Variants in ALK observed in about 807,000 individuals in gnomAD.
The protein encoded by ALK is ALK tyrosine kinase receptor.
In ALK, 74 loss-of-function variants were observed where a neutral mutation model predicts 163.1. That is an observed-to-expected ratio of 0.45 (90% CI 0.38 to 0.55). The LOEUF (loss-of-function observed/expected upper bound fraction) is 0.55, where lower values mean the gene tolerates loss of function less well. Ranked by LOEUF, ALK falls within the 20% of genes least tolerant of loss-of-function variation. The probability of loss-of-function intolerance (pLI) is 0.00; values close to 1 mark genes in which losing one functional copy is unlikely to be tolerated. For synonymous variants in ALK, 960 were observed against 843.2 expected, an observed-to-expected ratio of 1.14 and a Z score of -2.40; for missense variants, 2,063 against 2,105.3, an observed-to-expected ratio of 0.98 and a Z score of 0.39.
intron 3 of ALK, among the ~76,000 whole-genome samples, chr2:29,623,675 G>A (rs559736265): frequency 6.6e-6 from 1 of 152,178 alleles, no homozygotes; most frequent in Admixed American, 6.5e-5. Flanking sequence ...TAGACACTGT[G>A]TTCTTAACTG....
intron 5 of ALK, among the ~76,000 whole-genome samples, chr2:29,364,373 G>A (rs1015642877): frequency 3.3e-5 from 5 of 152,144 alleles, no homozygotes; most frequent in Non-Finnish European, 5.9e-5. Flanking sequence ...GTGGAGCTGG[G>A]GAAGGACCAG....
At chr2:29,409,661 C>T (rs1032819915) in intron 4 of ALK, among the ~76,000 whole-genome samples, 9 of 152,276 alleles carry the variant, frequency 5.9e-5, no homozygotes, top group East Asian at 5.8e-4. Context: ...CAGTGGCTCC[C>T]GTCAAGCCTC....
At chr2:29,623,202 C>T (rs1676085493) in intron 3 of ALK, among the ~76,000 whole-genome samples, 1 of 152,170 alleles carries the variant, frequency 6.6e-6, no homozygotes, top group African/African-American at 2.4e-5. Flanking sequence ...CACTCCACTT[C>T]TGGGAATCTA....
chr2:29,667,798 C>A (rs192076842), intron 3 of ALK, among the ~76,000 whole-genome samples: 1 of 152,154 alleles, frequency 6.6e-6, no homozygotes, highest in African/African-American at 2.4e-5. Flanking sequence ...ATGCTGACCT[C>A]ATAGAATAAA....
chr2:29,249,778 T>C lies in ALK; in HGVS notation c.2204+1327A>G, dbSNP rs988261335. The stretch of plus-strand genomic sequence containing the variant: ...GCCCTGGGCCCCACGGAGGCTTGGC[T>C]CAGCAGGAAGGGGAGGTCTGGCTTG... On this transcript the variant is annotated intron_variant, in intron 12 of 28. Transcript: ENST00000389048. 2.0e-5 allele frequency among the ~76,000 whole-genome samples: 3 copies of C among 152,166 alleles called. No individual in the cohort carries two copies. The East Asian group carries it at 5.8e-4, about 29-fold the overall frequency.
chr2:29,700,421 G>T (rs991466442), intron 2 of ALK, among the ~76,000 whole-genome samples: 10 of 152,302 alleles, frequency 6.6e-5, no homozygotes, highest in Admixed American at 5.2e-4. Flanking sequence ...GTGCATGCCT[G>T]TAATCCCAGC....
At chr2:29,838,015 C>CA (rs1665605493) in intron 1 of ALK, among the ~76,000 whole-genome samples, 2 of 151,540 alleles carry the variant, frequency 1.3e-5, no homozygotes, top group Admixed American at 1.3e-4. Context: ...AAATGGTAAG[C>CA]AAAAAAATTT....
At chr2:29,904,251 TAAAC>T (rs1420332936) in intron 1 of ALK, among the ~76,000 whole-genome samples, 3 of 152,168 alleles carry the variant, frequency 2.0e-5, no homozygotes, top group African/African-American at 4.8e-5. Flanking sequence ...AATAAATAAA[TAAAC>T]AAAAGATTCG....
intron 2 of ALK, among the ~76,000 whole-genome samples, chr2:29,715,344 A>G (rs971701719): frequency 6.6e-6 from 1 of 152,224 alleles, no homozygotes; most frequent in East Asian, 1.9e-4. Context: ...TACTCTGCCA[A>G]GAAGGGAAAT....
intron 3 of ALK, among the ~76,000 whole-genome samples, chr2:29,599,338 A>C (rs1025412323): frequency 2.0e-5 from 3 of 152,252 alleles, no homozygotes; most frequent in African/African-American, 7.2e-5. Flanking sequence ...AATGTTTCAA[A>C]GTCAACGAGG....
In ALK at chr2:29,288,970, ATAAAT is replaced by A. The variant is rs199587637; in HGVS notation, c.1817+7913_1817+7917del. Among the ~76,000 whole-genome samples, 42 of 129,438 alleles carry A rather than the reference ATAAAT, an allele frequency of 3.2e-4. 1 individual carries two copies. The highest frequency in any genetic ancestry group is 4.1e-3 in the Middle Eastern group (1 of 242). The allele number at this position is 129,438 out of a possible 152,430, so 84.9% of individuals were successfully genotyped here. A position where few individuals can be genotyped will look rare whatever the true frequency, so the allele number is the denominator to read the frequency against. On this transcript the variant is annotated intron_variant, in intron 9 of 28. Coordinates refer to ENST00000389048, the MANE Select transcript of ALK (RefSeq NM_004304.5). ...CCTTCTCAAAAAAATAAATAAATAAATAAATAAATAAATAAATAAATAAATAAATA... is the reference window on the plus strand; with the variant it reads ...CCTTCTCAAAAAAATAAATAAATAAAAAATAAATAAATAAATAAATAAATA...
At chr2:29,207,342 G>T in intron 25 of ALK, 70 bp from the exon 26 acceptor site, 1 of 1,225,764 alleles carries the variant, frequency 8.2e-7, no homozygotes, top group Non-Finnish European at 1.2e-6. Flanking sequence ...TGCTGGGAAA[G>T]TTGAGAAAGT....
chr2:29,281,427 C>T (rs1260496658), intron 9 of ALK, among the ~76,000 whole-genome samples: 1 of 152,176 alleles, frequency 6.6e-6, no homozygotes, highest in South Asian at 2.1e-4. Context: ...TGCCTAAGAA[C>T]GTGGCAGGGG....
At chr2:29,274,506 A>C (rs548868824) in intron 11 of ALK, among the ~76,000 whole-genome samples, 1 of 152,342 alleles carries the variant, frequency 6.6e-6, no homozygotes, top group African/African-American at 2.4e-5. Flanking sequence ...CCGCTGGTCT[A>C]ATAGAAGAGT....
rs78263884 is a variant in ALK at position 29,453,908 on chromosome 2, T to C, written c.1155-70049A>G. Among the ~76,000 whole-genome samples, 483 of 152,202 alleles carry C rather than the reference T, an allele frequency of 3.2e-3. 4 individuals are homozygous for C. The highest frequency in any genetic ancestry group is 0.011 in the African/African-American group (463 of 41,520). On this transcript the variant is annotated intron_variant, in intron 4 of 28. Transcript: ENST00000389048. ...AGGGACACACAAAAGCATGGAGATC[T>C]CACATTCTAGATGTTTGATTGAGTT...
chr2:29,391,158 G>C (rs1669159461), intron 4 of ALK, among the ~76,000 whole-genome samples: 1 of 152,126 alleles, frequency 6.6e-6, no homozygotes, highest in African/African-American at 2.4e-5. Context: ...ATGTTATGTG[G>C]GTGACGGGGA....
intron 3 of ALK, 136 bp from the exon 4 acceptor site, chr2:29,532,252 C>T (rs1673141689): frequency 3.7e-6 from 3 of 817,490 alleles, no homozygotes; most frequent in Non-Finnish European, 6.1e-6. Flanking sequence ...TGCATGCACC[C>T]AGCCTTCTTC....
rs1158497006 is a variant in ALK, at chr2:29,322,359, CT to C, written c.1415-1478del. On this transcript the variant is annotated intron_variant, in intron 6 of 28. Coordinates refer to ENST00000389048, the MANE Select transcript of ALK (RefSeq NM_004304.5). ...AACATCTCTTCCCATTTATACCCCC[CT>C]GAAGAAATAATTTCCCCCTAAGCCC... Among the ~76,000 whole-genome samples, 3 of 152,120 alleles carry C rather than the reference CT, an allele frequency of 2.0e-5. No homozygotes were observed. The East Asian group carries it at 5.8e-4, about 29-fold the overall frequency.
In ALK at chr2:29,376,371, C is replaced by G. The variant is rs80145488; in HGVS notation, c.1282+7361G>C. Among the ~76,000 whole-genome samples the G allele has an allele frequency of 4.7e-3, 721 of 152,320 alleles. 9 individuals carry two copies. Among genetic ancestry groups the G allele is most frequent in the African/African-American group, 0.017 (695 of 41,554 alleles). On this transcript the variant is annotated intron_variant, in intron 5 of 28. Coordinates refer to ENST00000389048, the MANE Select transcript of ALK (RefSeq NM_004304.5). The stretch of plus-strand genomic sequence containing the variant: ...CTTACTTTGCACAAACCCTTACAAC[C>G]CTTAGGGTTAGGGTTAGGGTGCAAA...
Sources: allele counts gnomAD v4.1 joint callset (sites outside exome capture counted in the v4.1 genomes callset), GRCh38; gene constraint gnomAD v4.1.1; transcripts MANE v1.5; gene names NCBI Gene and HGNC (gene_info 2026-07-23, HGNC 2026-07-21).